The following ADGRL1 variants were observed in gnomAD, a reference collection of about 807,000 sequenced individuals.
ADGRL1 encodes adhesion G protein-coupled receptor L1, also known as CIRL-1.
ADGRL1 carries 31 observed loss-of-function variants against 148.9 expected under a neutral mutation model. The observed-to-expected ratio is 0.21, with a 90% confidence interval of 0.16 to 0.28. The LOEUF (loss-of-function observed/expected upper bound fraction) is 0.28, where lower values mean the gene tolerates loss of function less well. ADGRL1 is among the 10% of genes least tolerant of loss of function. ADGRL1 has a pLI of 1.00. For synonymous variants in ADGRL1, 937 were observed against 900.3 expected (o/e 1.04, Z -0.73); for missense variants, 1,521 against 2,058.8 (o/e 0.74, Z 5.05).
rs1247624362 is a variant in ADGRL1, at chr19:14,149,784, C to T, written c.*1089G>A. The T allele has an allele frequency of 6.6e-6, 1 of 152,450 alleles. No individual in the cohort carries two copies. Among genetic ancestry groups the T allele is most frequent in the Non-Finnish European group, 1.5e-5 (1 of 67,978 alleles). The allele number at this position is 152,450 out of a possible 1,614,324, so 9.4% of individuals were successfully genotyped here. ...AGCTGCTCTGGCGGCCCGCCCGCCC[C>T]GGCGGGGACTGGGGATGCACGTACA... On this transcript the variant is annotated 3_prime_UTR_variant, in exon 23 of 23. Coordinates refer to ENST00000361434, the MANE Select transcript of ADGRL1 (RefSeq NM_014921.5).
rs1186443256 is a variant in ADGRL1, at chr19:14,182,699, G to A, written c.70+834C>T. On this transcript the variant is annotated intron_variant, in intron 2 of 22. Transcript: ENST00000361434. ...TGGCTCAGATGGGTCTGGGGGTGGA[G>A]GCAGCCCTCCCGGCCCAGCTGGGGC... 3.3e-5 allele frequency among the ~76,000 whole-genome samples: 5 copies of A among 152,338 alleles called. No homozygotes were observed. In the East Asian group the frequency reaches 9.6e-4, roughly 29 times the overall value.
intron 3 of ADGRL1, among the ~76,000 whole-genome samples, chr19:14,173,578 G>C (rs954764102): frequency 3.9e-5 from 6 of 152,094 alleles, no homozygotes; most frequent in Admixed American, 1.3e-4. Flanking sequence ...TAAGCAAATC[G>C]TTGTACACGC....
At chr19:14,153,020 G>A in intron 18 of ADGRL1, 108 bp from the exon 19 acceptor site, 1 of 1,334,774 alleles carries the variant, frequency 7.5e-7, no homozygotes, top group Non-Finnish European at 1.0e-6. Flanking sequence ...CGGAGACCGA[G>A]CTTCCAATGA....
At chr19:14,174,639 G>A (rs1220380770) in intron 3 of ADGRL1, among the ~76,000 whole-genome samples, 1 of 150,964 alleles carries the variant, frequency 6.6e-6, no homozygotes, top group Admixed American at 6.6e-5. Context: ...AGGTTCAAGC[G>A]ATTCTCCTGC....
intron 2 of ADGRL1, among the ~76,000 whole-genome samples, chr19:14,178,481 G>A (rs991391997): frequency 1.3e-5 from 2 of 152,006 alleles, no homozygotes; most frequent in Non-Finnish European, 2.9e-5. Context: ...CTCTAGCCTG[G>A]GCAACAGAGC....
At chr19:14,189,096 A>G (rs1971770621) in intron 1 of ADGRL1, among the ~76,000 whole-genome samples, 1 of 152,114 alleles carries the variant, frequency 6.6e-6, no homozygotes, top group Admixed American at 6.6e-5. Flanking sequence ...CGTACCCACT[A>G]AACAATAATG....
rs1968309168 is a variant in ADGRL1, at chr19:14,152,453, G to A, written c.3521-16C>T. The A allele has an allele frequency of 6.2e-7, 1 of 1,606,888 alleles. No individual in the cohort carries two copies. The highest frequency in any genetic ancestry group is 1.7e-5 in the Admixed American group (1 of 59,790). On this transcript the variant is annotated splice_polypyrimidine_tract_variant and intron_variant, in intron 20 of 22. Transcript: ENST00000361434. This position sits in a 1 kb window ranked among gnomAD's most constrained non-coding sequence, Gnocchi z 6.1. ...CCCATGGTACCTGGCCAAAGGATCA[G>A]AGGTCACAAGGCAGCCGGGAGCCTC... is the stretch of plus-strand genomic sequence containing the variant.
In ADGRL1 at chr19:14,176,087, T is replaced by C. The variant is rs566816028; in HGVS notation, c.284+1444A>G. On this transcript the variant is annotated intron_variant, in intron 3 of 22. Transcript: ENST00000361434. ...ACAAAACAGGCCGGGCGCAGTGGCT[T>C]ACACCTGTAGTCCCAGCACTTTGGG... Among the ~76,000 whole-genome samples, 5 of 151,142 alleles carry C rather than the reference T, an allele frequency of 3.3e-5. No homozygotes were observed. In the South Asian group the frequency reaches 6.3e-4, roughly 19 times the overall value.
intron 1 of ADGRL1, among the ~76,000 whole-genome samples, chr19:14,203,063 G>C (rs1020869062): frequency 3.9e-5 from 6 of 152,070 alleles, no homozygotes; most frequent in Non-Finnish European, 7.4e-5. Context: ...CCTTCCATCA[G>C]GGTGCCCAAT....
chr19:14,183,275 G>A (rs933503338), intron 2 of ADGRL1, among the ~76,000 whole-genome samples: 1 of 151,844 alleles, frequency 6.6e-6, no homozygotes, highest in Non-Finnish European at 1.5e-5. Flanking sequence ...CCTGGTCCCA[G>A]GGGCCACAGC....
chr19:14,191,492 C>T (rs557045775), intron 1 of ADGRL1: 23 of 456,072 alleles, frequency 5.0e-5, no homozygotes, highest in Non-Finnish European at 8.8e-5. Flanking sequence ...TCTATTAGCT[C>T]GGGCTGCCAT....
intron 11 of ADGRL1, among the ~76,000 whole-genome samples, chr19:14,158,863 C>A (rs995730530): frequency 6.6e-6 from 1 of 152,224 alleles, no homozygotes; most frequent in Non-Finnish European, 1.5e-5. Context: ...ATCTCAATGG[C>A]CCCATCCTCT....
rs747688097 is a variant in ADGRL1, at chr19:14,177,614, G to A, written c.201C>T (p.Asp67=). The A allele has an allele frequency of 1.1e-4, 171 of 1,614,092 alleles. 2 individuals carry two copies. The highest frequency in any genetic ancestry group is 4.9e-4 in the Middle Eastern group (3 of 6,084). The part of the protein sequence containing the change: ...MVENANYGRT[D]DKICDADPFQ... ...AAGGGTCAGCATCGCAAATCTTGTC[G>A]TCCGTGCGCCCGTAGTTGGCATTCT... Residue 67 remains aspartate (D), a synonymous_variant, in exon 3 of 23, where the codon GAC becomes GAT. Coordinates refer to ENST00000361434, the MANE Select transcript of ADGRL1 (RefSeq NM_014921.5).
rs185539601 is a variant in ADGRL1 at position 14,161,743 on chromosome 19, G to T, written c.1196-117C>A. On this transcript the variant is annotated intron_variant, in intron 5 of 22. Transcript: ENST00000361434. The surrounding 1 kb of genome is among the most constrained non-coding windows in gnomAD (Gnocchi z 4.4). ...TCCTCATCTACTGAAGTGGAAACACGTGCCGGGCCCCACTGGGTCTATGAG... is the reference window on the plus strand; with the variant it reads ...TCCTCATCTACTGAAGTGGAAACACTTGCCGGGCCCCACTGGGTCTATGAG... The T allele has an allele frequency of 2.8e-6, 2 of 723,582 alleles. No individual in the cohort carries two copies. Among genetic ancestry groups the T allele is most frequent in the Non-Finnish European group, 4.0e-6 (2 of 504,614 alleles). The allele number at this position is 723,582 out of a possible 1,614,324, so 44.8% of individuals were successfully genotyped here.
intron 4 of ADGRL1, chr19:14,164,634 C>T (rs879519852): frequency 2.0e-5 from 3 of 152,064 alleles, no homozygotes; most frequent in Non-Finnish European, 4.4e-5. Flanking sequence ...CGACCATCCC[C>T]GGCTCGGGAA....
Position 14,150,923 on chromosome 19 carries a change from C to T in ADGRL1, c.4360G>A (p.Gly1454Arg). 3.1e-6 allele frequency: 5 copies of T among 1,611,878 alleles called. No homozygotes were observed. The highest frequency in any genetic ancestry group is 4.2e-6 in the Non-Finnish European group (5 of 1,179,652). ...TGCCCGTCCCCATCGGGCCCTGGCC[C>T]CTCAAGGCCTGGGGCTGCCAGGTAG... ...EGYLAAPGLE[G>R]PGPDGDGQMQ... The change falls in exon 23 of 23, where the codon GGG (glycine) becomes AGG (arginine). Residue 1454 changes from glycine to arginine, a missense_variant. This residue lies in a region of ADGRL1 where 390 missense variants were observed against 375.0 expected (regional missense o/e 1.04). Coordinates refer to ENST00000361434, the MANE Select transcript of ADGRL1 (RefSeq NM_014921.5).
At chr19:14,191,349 CTG>C (rs1971926539) in intron 1 of ADGRL1, 1 of 456,614 alleles carries the variant, frequency 2.2e-6, no homozygotes, top group Non-Finnish European at 4.4e-6. Flanking sequence ...TCTTGTGTCT[CTG>C]TTTTCTTCTT....
chr19:14,162,895 C>T lies in ADGRL1; in HGVS notation c.906G>A (p.Glu302=). 1 of 1,613,880 alleles carries T rather than the reference C, an allele frequency of 6.2e-7. No individual in the cohort carries two copies. The highest frequency in any genetic ancestry group is 8.5e-7 in the Non-Finnish European group (1 of 1,179,916). The part of the protein sequence containing the change: ...PYTLRFEGTW[E]TGYDKRSASN... ...ATGCCGAGCGCTTGTCGTAACCCGT[C>T]TCCCACGTGCCCTCAAAGCGCAGTG... Residue 302 remains glutamate (E), a synonymous_variant, in exon 5 of 23, where the codon GAG becomes GAA. Coordinates refer to ENST00000361434, the MANE Select transcript of ADGRL1 (RefSeq NM_014921.5). The surrounding 1 kb of genome is among the most constrained non-coding windows in gnomAD (Gnocchi z 5.4).
intron 4 of ADGRL1, chr19:14,169,230 G>A (rs1970261847): frequency 6.6e-6 from 1 of 152,248 alleles, no homozygotes; most frequent in African/African-American, 2.4e-5. Context: ...GCCACCAGGA[G>A]CGACTTTGTG....
Sources: allele counts gnomAD v4.1 joint callset (sites outside exome capture counted in the v4.1 genomes callset), GRCh38; gene constraint gnomAD v4.1.1; regional missense constraint gnomAD v4.1.1; non-coding constraint Gnocchi (gnomAD v3.1); transcripts MANE v1.5; gene names NCBI Gene and HGNC (gene_info 2026-07-23, HGNC 2026-07-21).